Variants in ADAM12 observed in about 807,000 individuals in gnomAD.
ADAM12 encodes ADAM metallopeptidase domain 12, also known as disintegrin and metalloproteinase domain-containing protein 12.
Under a neutral mutation model 106.4 loss-of-function variants are expected in ADAM12, and 70 were observed. The observed-to-expected ratio is 0.66, with a 90% CI of 0.54 to 0.80. The LOEUF is 0.80. Among genes scored for constraint, ADAM12 ranks in the 30% least tolerant of loss-of-function variants. The pLI, the probability that ADAM12 is intolerant of heterozygous loss-of-function variation, is 0.00. For missense variants in ADAM12, 1,010 were observed against 1,171.9 expected (o/e 0.86, Z 2.02); for synonymous variants, 420 against 433.5 (o/e 0.97, Z 0.39).
intron 1 of ADAM12, among the ~76,000 whole-genome samples, chr10:126,357,262 T>C (rs1855573568): frequency 6.6e-6 from 1 of 152,100 alleles, no homozygotes; most frequent in African/African-American, 2.4e-5. Context: ...TATCAGTGCA[T>C]TACTCAGCAG....
rs1237245504 is a variant in ADAM12, at chr10:126,039,441, C to T, written c.2105-12G>A. 1 of 1,613,866 alleles carries T rather than the reference C, an allele frequency of 6.2e-7. No homozygotes were observed. The stretch of plus-strand genomic sequence containing the variant: ...TAAACCTTGGTTATCTGAAACAAAA[C>T]ACATGGGGCTCACAGAAGGAGGCAG... On this transcript the variant is annotated splice_polypyrimidine_tract_variant and intron_variant, in intron 18 of 22. Transcript: ENST00000448723.
chr10:126,036,330 A>G lies in ADAM12; in HGVS notation c.2350-5T>C. ...CAGCAATCTCCTGGGATTGTCCTGTACAGTCAAAGTAAAAAGCCATGCTAT... is the reference window on the plus strand; with the variant it reads ...CAGCAATCTCCTGGGATTGTCCTGTGCAGTCAAAGTAAAAAGCCATGCTAT... On this transcript the variant is annotated splice_polypyrimidine_tract_variant and splice_region_variant and intron_variant, in intron 20 of 22. Transcript: ENST00000448723. 1.3e-6 allele frequency: 2 copies of G among 1,567,648 alleles called. No homozygotes were observed. Among genetic ancestry groups the G allele is most frequent in the East Asian group, 2.4e-5 (1 of 41,290 alleles).
At chr10:126,127,920 G>A (rs872711) in intron 5 of ADAM12, among the ~76,000 whole-genome samples, 80,519 of 151,882 alleles carry the variant, frequency 0.53, 21,762 homozygotes, top group Non-Finnish European at 0.59. Context: ...CGCATGTGGC[G>A]GCATGCTCTG....
intron 18 of ADAM12, chr10:126,041,998 G>T: frequency 6.9e-7 from 1 of 1,442,818 alleles, no homozygotes; most frequent in Non-Finnish European, 9.1e-7. Flanking sequence ...TGAGCCCCGA[G>T]AACTGTGTTG....
intron 3 of ADAM12, among the ~76,000 whole-genome samples, chr10:126,180,219 C>T (rs1034243902): frequency 2.6e-5 from 4 of 152,100 alleles, no homozygotes; most frequent in African/African-American, 7.2e-5. Context: ...CAAGAATGTC[C>T]GGAAGGTCAT....
chr10:126,359,037 T>C (rs1347206502), intron 1 of ADAM12, among the ~76,000 whole-genome samples: 1 of 152,204 alleles, frequency 6.6e-6, no homozygotes, highest in Non-Finnish European at 1.5e-5. Flanking sequence ...ATGTTTTAAA[T>C]GGATGGCAGC....
At chr10:126,039,983 G>A (rs1954131324) in intron 18 of ADAM12, among the ~76,000 whole-genome samples, 1 of 152,212 alleles carries the variant, frequency 6.6e-6, no homozygotes, top group Non-Finnish European at 1.5e-5. Flanking sequence ...ACACCCATGG[G>A]TTTTGCTTTG....
chr10:126,305,642 T>C (rs537813656), intron 2 of ADAM12, among the ~76,000 whole-genome samples: 9 of 152,224 alleles, frequency 5.9e-5, no homozygotes, highest in African/African-American at 1.9e-4. Context: ...TTGTTTTACT[T>C]CAAAGTTTAT....
At position 126,223,615 on chromosome 10, in the gene ADAM12, C is replaced by T. The variant is rs182559346; in HGVS notation, c.260+55300G>A. Among the ~76,000 whole-genome samples the T allele has an allele frequency of 7.9e-5, 12 of 152,348 alleles. No individual in the cohort carries two copies. In the East Asian group the frequency reaches 1.9e-3, roughly 25 times the overall value. On this transcript the variant is annotated intron_variant, in intron 3 of 22. Coordinates refer to ENST00000448723, the MANE Select transcript of ADAM12 (RefSeq NM_001288973.2). Reference sequence around the variant, plus strand: ...CCTCAGCAGCACCTCCCAGCACATGCCTCTATAGTACGAGAAGAGCAGCCC... The same window carrying T: ...CCTCAGCAGCACCTCCCAGCACATGTCTCTATAGTACGAGAAGAGCAGCCC...
Position 126,388,185 on chromosome 10 carries a change from G to A in ADAM12, c.-40C>T, listed in dbSNP as rs1856747299. 1.7e-6 allele frequency: 2 copies of A among 1,201,896 alleles called. No individual in the cohort carries two copies. Among genetic ancestry groups the A allele is most frequent in the South Asian group, 8.3e-5 (2 of 24,134 alleles). 74.5% of individuals were successfully genotyped at this position (1,201,896 alleles called of 1,614,324 possible). A position where few individuals can be genotyped will look rare whatever the true frequency, so the allele number is the denominator to read the frequency against. ...AGTGCAGCAGCTCTCGGGCCCGGCG[G>A]CGAGCGCTGCACCATCCCACGCGGG... On this transcript the variant is annotated 5_prime_UTR_variant, in exon 1 of 23. Coordinates refer to ENST00000448723, the MANE Select transcript of ADAM12 (RefSeq NM_001288973.2). The surrounding 1 kb of genome is among the most constrained non-coding windows in gnomAD (Gnocchi z 4.4).
At chr10:126,364,039 A>G (rs1188003234) in intron 1 of ADAM12, among the ~76,000 whole-genome samples, 2 of 152,316 alleles carry the variant, frequency 1.3e-5, no homozygotes, top group African/African-American at 2.4e-5. Flanking sequence ...CAATAAGTCA[A>G]TTAATATTTT....
At chr10:126,343,838 T>C (rs1855030718) in intron 1 of ADAM12, among the ~76,000 whole-genome samples, 1 of 152,252 alleles carries the variant, frequency 6.6e-6, no homozygotes, top group Non-Finnish European at 1.5e-5. Context: ...TTTTGAGAAG[T>C]GTCTGTTCAT....
intron 1 of ADAM12, among the ~76,000 whole-genome samples, chr10:126,343,565 A>G (rs1012576927): frequency 1.7e-4 from 26 of 152,166 alleles, no homozygotes; most frequent in Non-Finnish European, 3.8e-4. Flanking sequence ...GGCTGGGTCA[A>G]ATGGTATTTC....
intron 4 of ADAM12, among the ~76,000 whole-genome samples, chr10:126,151,215 A>G (rs1401607488): frequency 1.3e-5 from 2 of 152,204 alleles, no homozygotes; most frequent in African/African-American, 4.8e-5. Context: ...ATGCAATGCT[A>G]GATGGATAAT....
At chr10:126,098,576 G>C in intron 9 of ADAM12, 76 bp from the exon 10 acceptor site, 3 of 1,231,080 alleles carry the variant, frequency 2.4e-6, no homozygotes, top group Non-Finnish European at 3.6e-6. Context: ...AATTCTGTTG[G>C]ATATTCCTGC....
intron 1 of ADAM12, among the ~76,000 whole-genome samples, chr10:126,357,917 AT>A: frequency 6.6e-6 from 1 of 152,204 alleles, no homozygotes; most frequent in Non-Finnish European, 1.5e-5. Context: ...TTCTACAAAC[AT>A]TTACAGAAAA....
chr10:126,340,798 A>T (rs1358750562), intron 1 of ADAM12, among the ~76,000 whole-genome samples: 1 of 149,988 alleles, frequency 6.7e-6, no homozygotes, highest in Non-Finnish European at 1.5e-5. Flanking sequence ...GCTCACTGCA[A>T]CCTCCACCTC....
At chr10:126,137,055 T>C (rs958116673) in intron 4 of ADAM12, among the ~76,000 whole-genome samples, 4 of 152,178 alleles carry the variant, frequency 2.6e-5, no homozygotes, top group African/African-American at 9.7e-5. Flanking sequence ...TTTATTTTCT[T>C]CTATCTTTAT....
At chr10:126,207,882 C>G (rs1184707699) in intron 3 of ADAM12, among the ~76,000 whole-genome samples, 1 of 152,080 alleles carries the variant, frequency 6.6e-6, no homozygotes, top group East Asian at 1.9e-4. Context: ...ATACAGAAAC[C>G]CTTACATGTT....
Sources: gnomAD v4.1 joint callset for allele counts (sites outside exome capture counted in the v4.1 genomes callset) on GRCh38, gnomAD v4.1.1 for gene constraint, Gnocchi (gnomAD v3.1) non-coding constraint, MANE v1.5 for transcripts, NCBI Gene and HGNC (gene_info 2026-07-23, HGNC 2026-07-21) for gene names.